Variants in OR10G3 observed in about 807,000 individuals in gnomAD.
OR10G3 encodes olfactory receptor 10G3.
OR10G3 carries 8 observed loss-of-function variants against 13.4 expected under a neutral mutation model. The ratio of observed to expected loss-of-function variants is 0.60; its 90% CI spans 0.35 to 1.08. The LOEUF (loss-of-function observed/expected upper bound fraction) is 1.08, where lower values mean the gene tolerates loss of function less well. OR10G3 is among the 50% of genes least tolerant of loss of function. The probability of loss-of-function intolerance (pLI) is 0.02; values close to 1 mark genes in which losing one functional copy is unlikely to be tolerated. For missense variants in OR10G3, 393 were observed against 386.6 expected (o/e 1.02, Z -0.14); for synonymous variants, 142 against 156.1 (o/e 0.91, Z 0.67).
Position 21,570,226 on chromosome 14 carries a change from A to G in OR10G3, c.519T>C (p.Asn173=), listed in dbSNP as rs2139709983. Residue 173 remains asparagine (N), a synonymous_variant, in exon 2 of 2, where the codon AAT becomes AAC. Coordinates refer to ENST00000641040, the MANE Select transcript of OR10G3 (RefSeq NM_001005465.2). The part of the protein sequence containing the change: ...LTFRLPYCGP[N]QVDYFFCDIP... Reference sequence around the variant, plus strand: ...TGTCACAGAAGAAGTAATCCACCTGATTGGGCCCACAGTAGGGCAGGCGGA... The same window carrying G: ...TGTCACAGAAGAAGTAATCCACCTGGTTGGGCCCACAGTAGGGCAGGCGGA... 6.2e-7 allele frequency: 1 copy of G among 1,614,146 alleles called. No individual in the cohort carries two copies. The highest frequency in any genetic ancestry group is 8.5e-7 in the Non-Finnish European group (1 of 1,180,016).
chr14:21,577,934 T>G (rs542110543), intron 1 of OR10G3, among the ~76,000 whole-genome samples: 15 of 150,592 alleles, frequency 1.0e-4, no homozygotes, highest in Non-Finnish European at 1.5e-4. Flanking sequence ...CCTGGGAGGC[T>G]GAGATTACAG....
rs996643625 is a variant in OR10G3 at position 21,569,140 on chromosome 14, G to C, written c.*663C>G. On this transcript the variant is annotated 3_prime_UTR_variant, in exon 2 of 2. Coordinates refer to ENST00000641040, the MANE Select transcript of OR10G3 (RefSeq NM_001005465.2). ...CCATCTGCAGGCTGAGGAGCAAGGA[G>C]AGCCAGTCCAAGTTCCAAAACTGAA... The C allele has an allele frequency of 6.6e-6, 1 of 152,424 alleles. No homozygotes were observed. Among genetic ancestry groups the C allele is most frequent in the Admixed American group, 6.6e-5 (1 of 15,252 alleles). The allele number at this position is 152,424 out of a possible 1,614,324, so 9.4% of individuals were successfully genotyped here. A position where few individuals can be genotyped will look rare whatever the true frequency, so the allele number is the denominator to read the frequency against.
chr14:21,570,647 A>G lies in OR10G3; in HGVS notation c.98T>C (p.Leu33Pro). ...TCCCAGCTGAGTCAGGATGTAGATT[A>G]GAAAAAAGAACACAAAAAAGAGTGT... ...LRTLFFVFFF[L>P]IYILTQLGNL... Residue 33 changes from leucine to proline, a missense_variant, in exon 2 of 2, where the codon CTA becomes CCA. Physicochemically the swap from Leu to Pro is moderately conservative, Grantham distance 98. Transcript: ENST00000641040. 1 of 1,613,066 alleles carries G rather than the reference A, an allele frequency of 6.2e-7. No individual in the cohort carries two copies. The highest frequency in any genetic ancestry group is 8.5e-7 in the Non-Finnish European group (1 of 1,180,010).
At chr14:21,578,643 C>A (rs1876814944) in intron 1 of OR10G3, among the ~76,000 whole-genome samples, 1 of 151,970 alleles carries the variant, frequency 6.6e-6, no homozygotes, top group Non-Finnish European at 1.5e-5. Context: ...ATCCCTAACC[C>A]ATCTTTCAAA....
rs1188126345 is a variant in OR10G3, at chr14:21,569,671, T to G, written c.*132A>C. The G allele has an allele frequency of 1.4e-6, 1 of 720,948 alleles. No individual in the cohort carries two copies. The highest frequency in any genetic ancestry group is 2.7e-5 in the East Asian group (1 of 36,832). 44.7% of individuals were successfully genotyped at this position (720,948 alleles called of 1,614,324 possible). A position where few individuals can be genotyped will look rare whatever the true frequency, so the allele number is the denominator to read the frequency against. On this transcript the variant is annotated 3_prime_UTR_variant, in exon 2 of 2. Transcript: ENST00000641040. ...CTGTTAGAAAGTTAGTATTTTACCT[T>G]AAACTGTGTTTGATCATACAGTATG... is the stretch of plus-strand genomic sequence containing the variant.
chr14:21,578,541 A>C (rs1876812389), intron 1 of OR10G3, among the ~76,000 whole-genome samples: 1 of 152,176 alleles, frequency 6.6e-6, no homozygotes, highest in Non-Finnish European at 1.5e-5. Context: ...TGAGCAACCA[A>C]GGAGATTAGA....
intron 1 of OR10G3, 98 bp from the exon 2 acceptor site, chr14:21,570,859 T>C: frequency 4.5e-6 from 3 of 672,564 alleles, no homozygotes; most frequent in South Asian, 4.0e-5. Flanking sequence ...GGCAGAGAAG[T>C]TTCTTTCTTA....
intron 1 of OR10G3, among the ~76,000 whole-genome samples, chr14:21,578,905 T>G (rs1345721889): frequency 6.6e-6 from 1 of 152,224 alleles, no homozygotes; most frequent in Non-Finnish European, 1.5e-5. Context: ...CAATTTCTAT[T>G]AAAATGTAAA....
At position 21,570,179 on chromosome 14, in the gene OR10G3, G is replaced by T. The variant is rs1226620170; in HGVS notation, c.566C>A (p.Ala189Asp). ...FCDIPAVLRL[A>D]CADTTVNELV... ...CTCGTTGACTGTTGTGTCAGCACAG[G>T]CCAGTCTCAACACTGCAGGGATGTC... Residue 189 changes from alanine to aspartate, a missense_variant, in exon 2 of 2, where the codon GCC becomes GAC. Transcript: ENST00000641040. 8.7e-6 allele frequency: 14 copies of T among 1,614,206 alleles called. No individual in the cohort carries two copies. Among genetic ancestry groups the T allele is most frequent in the Non-Finnish European group, 1.1e-5 (13 of 1,180,040 alleles).
chr14:21,579,298 G>A (rs926067529), intron 1 of OR10G3, among the ~76,000 whole-genome samples: 1 of 152,110 alleles, frequency 6.6e-6, no homozygotes, highest in African/African-American at 2.4e-5. Flanking sequence ...AGGCTGGAAT[G>A]CAGTTGTGCC....
chr14:21,575,314 C>G (rs1246558849), intron 1 of OR10G3, among the ~76,000 whole-genome samples: 1 of 151,772 alleles, frequency 6.6e-6, no homozygotes, highest in Non-Finnish European at 1.5e-5. Context: ...ATCTCCTGAC[C>G]TCATGATCTG....
Position 21,568,887 on chromosome 14 carries a change from T to C in OR10G3, c.*916A>G, listed in dbSNP as rs370419268. 6.6e-6 allele frequency: 1 copy of C among 151,738 alleles called. No individual in the cohort carries two copies. The highest frequency in any genetic ancestry group is 2.1e-4 in the South Asian group (1 of 4,832). 9.4% of individuals were successfully genotyped at this position (151,738 alleles called of 1,614,324 possible). A position where few individuals can be genotyped will look rare whatever the true frequency, so the allele number is the denominator to read the frequency against. ...CCACCACACCCGGCTAATTTTTTTG[T>C]ATTTTTAGTAGAGACGGGGTTTCAC... On this transcript the variant is annotated 3_prime_UTR_variant, in exon 2 of 2. Transcript: ENST00000641040.
Position 21,568,932 on chromosome 14 carries a change from C to A in OR10G3, c.*871G>T, listed in dbSNP as rs189033057. The A allele has an allele frequency of 1.3e-5, 2 of 151,716 alleles. No individual in the cohort carries two copies. Among genetic ancestry groups the A allele is most frequent in the African/African-American group, 4.8e-5 (2 of 41,422 alleles). 9.4% of individuals were successfully genotyped at this position (151,716 alleles called of 1,614,324 possible). On this transcript the variant is annotated 3_prime_UTR_variant, in exon 2 of 2. Coordinates refer to ENST00000641040, the MANE Select transcript of OR10G3 (RefSeq NM_001005465.2). ...TTTCACCGTGGTCTCGATCTCCTGA[C>A]CTCGTGATCCGCTTGCCTCAGCATC...
At chr14:21,571,241 C>G (rs1160662171) in intron 1 of OR10G3, among the ~76,000 whole-genome samples, 1 of 152,180 alleles carries the variant, frequency 6.6e-6, no homozygotes, top group South Asian at 2.1e-4. Flanking sequence ...CACTGGCTCA[C>G]TCTTATCTCT....
Position 21,569,410 on chromosome 14 carries a change from A to G in OR10G3, c.*393T>C. The stretch of plus-strand genomic sequence containing the variant: ...CAGGATCAATACTTTGTATCCTTCA[A>G]TCCAATCAAGTTGACACTCAATATT... On this transcript the variant is annotated 3_prime_UTR_variant, in exon 2 of 2. Transcript: ENST00000641040. 1 of 182,122 alleles carries G rather than the reference A, an allele frequency of 5.5e-6. No homozygotes were observed. The highest frequency in any genetic ancestry group is 1.2e-5 in the Non-Finnish European group (1 of 85,986). 11.3% of individuals were successfully genotyped at this position (182,122 alleles called of 1,614,324 possible).
intron 1 of OR10G3, among the ~76,000 whole-genome samples, chr14:21,571,675 C>T (rs996732398): frequency 1.3e-4 from 19 of 141,924 alleles, no homozygotes; most frequent in African/African-American, 3.6e-4. Context: ...CTCCTTGATT[C>T]GCATTTCTTT....
chr14:21,577,408 G>T (rs966173073), intron 1 of OR10G3, among the ~76,000 whole-genome samples: 1 of 152,050 alleles, frequency 6.6e-6, no homozygotes, highest in South Asian at 2.1e-4. Flanking sequence ...TGGAGTAAAG[G>T]CTCCAACCAG....
chr14:21,579,219 T>C (rs1876833638), intron 1 of OR10G3, among the ~76,000 whole-genome samples: 1 of 144,924 alleles, frequency 6.9e-6, no homozygotes, highest in Non-Finnish European at 1.5e-5. Flanking sequence ...TATTAGCCAC[T>C]ATTTTTTAAT....
intron 1 of OR10G3, among the ~76,000 whole-genome samples, chr14:21,576,251 A>T (rs1299387752): frequency 1.3e-5 from 2 of 152,130 alleles, no homozygotes; most frequent in Admixed American, 1.3e-4. Flanking sequence ...CTAAACAAAT[A>T]ATTTATTACT....
Sources: gnomAD v4.1 joint callset for allele counts (sites outside exome capture counted in the v4.1 genomes callset) on GRCh38, gnomAD v4.1.1 for gene constraint, MANE v1.5 for transcripts, NCBI Gene and HGNC (gene_info 2026-07-23, HGNC 2026-07-21) for gene names.